Variants in FAT1 observed in about 807,000 individuals in gnomAD.
FAT1 encodes the protein FAT atypical cadherin 1.
Under a neutral mutation model 329.8 loss-of-function variants are expected in FAT1, and 171 were observed. That is an observed-to-expected ratio of 0.52 (90% CI 0.46 to 0.59). The LOEUF (loss-of-function observed/expected upper bound fraction) is 0.59, where lower values mean the gene tolerates loss of function less well. Among genes scored for constraint, FAT1 ranks in the 20% least tolerant of loss-of-function variants. The pLI, the probability that FAT1 is intolerant of heterozygous loss-of-function variation, is 0.00. For missense variants in FAT1, 5,672 were observed against 5,774.4 expected (o/e 0.98, Z 0.57); for synonymous variants, 2,233 against 2,228.6 (o/e 1.00, Z -0.06).
At position 186,640,483 on chromosome 4, in the gene FAT1, TTC is replaced by T. The variant is rs1741040191; in HGVS notation, c.3581-702_3581-701del. 2.0e-5 allele frequency among the ~76,000 whole-genome samples: 3 copies of T among 152,330 alleles called. No individual in the cohort carries two copies. The South Asian group carries it at 6.2e-4, about 32-fold the overall frequency. On this transcript the variant is annotated intron_variant, in intron 3 of 26. Coordinates refer to ENST00000441802, the MANE Select transcript of FAT1 (RefSeq NM_005245.4). The stretch of plus-strand genomic sequence containing the variant: ...ATAACTGAGAGTTGACAGAAATGAC[TTC>T]TATAACTATATTAATAAGGACTATT...
chr4:186,620,669 T>C lies in FAT1; in HGVS notation c.5917A>G (p.Lys1973Glu). Reference sequence around the variant, plus strand: ...TGGGTAAACTTTAGGTGACTTTCTTTGCTTTCTTTCACATTAATTTTGACA... The same window carrying C: ...TGGGTAAACTTTAGGTGACTTTCTTCGCTTTCTTTCACATTAATTTTGACA... ...TSVKINVKESKESHLKFTQDV... is the reference protein window; with the variant it reads ...TSVKINVKESEESHLKFTQDV... The change falls in exon 10 of 27, where the codon AAA (lysine) becomes GAA (glutamate). Residue 1973 changes from lysine (K) to glutamate (E), a missense_variant. By Grantham distance (56) the Lys-to-Glu change is moderately conservative (BLOSUM62 1). This residue lies in a region of FAT1 where 3,966 missense variants were observed against 3,915.2 expected (regional missense o/e 1.01). Coordinates refer to ENST00000441802, the MANE Select transcript of FAT1 (RefSeq NM_005245.4). The C allele has an allele frequency of 6.2e-7, 1 of 1,614,042 alleles. No individual in the cohort carries two copies.
At chr4:186,593,755 A>C (rs1410383515) in intron 26 of FAT1, among the ~76,000 whole-genome samples, 1 of 152,176 alleles carries the variant, frequency 6.6e-6, no homozygotes, top group African/African-American at 2.4e-5. Context: ...GCAGAAGGCA[A>C]TGCAGCCCTA....
Position 186,597,767 on chromosome 4 carries a change from C to A in FAT1, c.12283G>T (p.Asp4095Tyr), listed in dbSNP as rs748249672. The A allele has an allele frequency of 6.2e-7, 1 of 1,613,912 alleles. No individual in the cohort carries two copies. Among genetic ancestry groups the A allele is most frequent in the South Asian group, 1.1e-5 (1 of 91,068 alleles). ...GTTCCGCCATTCTTACAGGGTTCAT[C>A]TTTGCAGTATGGACTAAGCTGACAC... ...QRCQLSPYCK[D>Y]EPCKNGGTCF... The change falls in exon 24 of 27, where the codon GAT becomes TAT. Residue 4095 changes from aspartate (D) to tyrosine (Y), a missense_variant. Physicochemically the swap from Asp to Tyr is radical, Grantham distance 160. Around this residue, in one of 2 missense-constraint regions of FAT1, gnomAD observed 1,706 missense variants for 1,859.1 expected, o/e 0.92. Coordinates refer to ENST00000441802, the MANE Select transcript of FAT1 (RefSeq NM_005245.4).
Position 186,708,078 on chromosome 4 carries a change from C to A in FAT1, c.1750G>T (p.Val584Leu), listed in dbSNP as rs182393996. The A allele has an allele frequency of 1.2e-6, 2 of 1,613,958 alleles. No individual in the cohort carries two copies. The highest frequency in any genetic ancestry group is 1.7e-6 in the Non-Finnish European group (2 of 1,179,864). The change falls in exon 2 of 27, where the codon GTG becomes TTG. Residue 584 changes from valine to leucine, a missense_variant. Val to Leu is a conservative substitution (Grantham distance 32). Transcript: ENST00000441802. ...CEGTIPRDLG[V>L]GEQITTVSAI... Reference sequence around the variant, plus strand: ...GAAACAGTGGTTATTTGCTCTCCCACGCCTAGATCTCTGGGAATTGTCCCT... The same window carrying A: ...GAAACAGTGGTTATTTGCTCTCCCAAGCCTAGATCTCTGGGAATTGTCCCT...
intron 1 of FAT1, among the ~76,000 whole-genome samples, chr4:186,717,154 GA>G (rs956685918): frequency 8.1e-4 from 120 of 147,864 alleles, no homozygotes; most frequent in East Asian, 1.6e-3. Context: ...TTTACAACAG[GA>G]AAAAAAAAAC....
chr4:186,595,080 A>G (rs929639038), intron 26 of FAT1, among the ~76,000 whole-genome samples: 6 of 152,190 alleles, frequency 3.9e-5, no homozygotes, highest in African/African-American at 1.4e-4. Context: ...CCAGATCAAC[A>G]TAACTGGTGG....
Position 186,603,585 on chromosome 4 carries a change from A to G in FAT1, c.10941T>C (p.Phe3647=), listed in dbSNP as rs2126430270. Residue 3647 remains phenylalanine (F), a synonymous_variant, in exon 19 of 27, where the codon TTT becomes TTC. Coordinates refer to ENST00000441802, the MANE Select transcript of FAT1 (RefSeq NM_005245.4). The part of the protein sequence containing the change: ...EMLNHTIAIR[F]ANLTPEEFVG... ...CGAATTCTTCCGGAGTGAGGTTGGC[A>G]AAGCGGATCGCGATGGTGTGGTTCA... is the stretch of plus-strand genomic sequence containing the variant. 6.2e-7 allele frequency: 1 copy of G among 1,614,006 alleles called. No homozygotes were observed. The highest frequency in any genetic ancestry group is 8.5e-7 in the Non-Finnish European group (1 of 1,179,894).
At chr4:186,607,146 C>G (rs1482736501) in intron 16 of FAT1, among the ~76,000 whole-genome samples, 1 of 152,222 alleles carries the variant, frequency 6.6e-6, no homozygotes, top group Non-Finnish European at 1.5e-5. Context: ...GGTATCTCAT[C>G]ACTATCTCCC....
intron 26 of FAT1, among the ~76,000 whole-genome samples, chr4:186,593,881 GC>G (rs1738362441): frequency 6.6e-6 from 1 of 152,110 alleles, no homozygotes; most frequent in Non-Finnish European, 1.5e-5. Flanking sequence ...ATCTGTAATG[GC>G]CCTGGAAAAC....
intron 3 of FAT1, among the ~76,000 whole-genome samples, chr4:186,658,331 A>G (rs1371290250): frequency 6.6e-6 from 1 of 152,180 alleles, no homozygotes; most frequent in Admixed American, 6.5e-5. Flanking sequence ...GAGAAAAAAC[A>G]TTCAAAAAAG....
chr4:186,649,961 T>C (rs10005888), intron 3 of FAT1, among the ~76,000 whole-genome samples: 57,916 of 152,062 alleles, frequency 0.38, 11,443 homozygotes, highest in Middle Eastern at 0.44. Context: ...GTAACACTGG[T>C]GAACAATTCC....
chr4:186,609,080 G>C (rs187743354), intron 16 of FAT1, 103 bp downstream of exon 16: 1 of 1,319,752 alleles, frequency 7.6e-7, no homozygotes, highest in South Asian at 1.4e-5. Flanking sequence ...TTCTTGAGGC[G>C]GTCAGTCCTG....
rs764175209 is a variant in FAT1 at position 186,617,182 on chromosome 4, C to G, written c.8898G>C (p.Gln2966His). The G allele has an allele frequency of 4.4e-6, 7 of 1,608,626 alleles. No individual in the cohort carries two copies. Residue 2966 changes from glutamine (Q) to histidine (H), a missense_variant, in exon 11 of 27, where the codon CAG (glutamine) becomes CAC (histidine). Physicochemically the swap from Gln to His is conservative, Grantham distance 24. Coordinates refer to ENST00000441802, the MANE Select transcript of FAT1 (RefSeq NM_005245.4). ...YFITGGDPLG[Q>H]FAVETIQNEW... ...CATTCTGTATAGTTTCAACGGCAAA[C>G]TGTCCTAAAGGATCCCCTCCTATTA...
Position 186,707,609 on chromosome 4 carries a change from T to G in FAT1, c.2219A>C (p.Asn740Thr), listed in dbSNP as rs2126689999. Residue 740 changes from asparagine to threonine, a missense_variant, in exon 2 of 27, where the codon AAC becomes ACC. Physicochemically the swap from Asn to Thr is moderately conservative, Grantham distance 65. Around this residue, in one of 2 missense-constraint regions of FAT1, gnomAD observed 3,966 missense variants for 3,915.2 expected, o/e 1.01. Coordinates refer to ENST00000441802, the MANE Select transcript of FAT1 (RefSeq NM_005245.4). ...QPVGSSVIFMNSTDLDTGFNG... is the reference protein window; with the variant it reads ...QPVGSSVIFMTSTDLDTGFNG... ...GAAGCCAGTGTCAAGGTCAGTGGAG[T>G]TCATGAAAATTACACTGGAACCCAC... is the stretch of plus-strand genomic sequence containing the variant. 6.2e-7 allele frequency: 1 copy of G among 1,613,900 alleles called. No homozygotes were observed. The highest frequency in any genetic ancestry group is 8.5e-7 in the Non-Finnish European group (1 of 1,179,876).
At chr4:186,702,270 C>A (rs1199552005) in intron 2 of FAT1, among the ~76,000 whole-genome samples, 2 of 152,192 alleles carry the variant, frequency 1.3e-5, no homozygotes, top group African/African-American at 2.4e-5. Flanking sequence ...TAATTCATTC[C>A]CAGTCTTTTC....
chr4:186,684,258 G>A (rs557166045), intron 2 of FAT1, among the ~76,000 whole-genome samples: 36 of 152,172 alleles, frequency 2.4e-4, no homozygotes, highest in African/African-American at 7.7e-4. Flanking sequence ...TTGTTTAATC[G>A]TCTCATCTAG....
intron 2 of FAT1, among the ~76,000 whole-genome samples, chr4:186,700,231 T>C (rs1744239503): frequency 6.6e-6 from 1 of 152,186 alleles, no homozygotes; most frequent in Non-Finnish European, 1.5e-5. Flanking sequence ...TAAACATGGT[T>C]TCCACAAGAA....
intron 2 of FAT1, among the ~76,000 whole-genome samples, chr4:186,670,018 G>A (rs1742659187): frequency 6.6e-6 from 1 of 152,142 alleles, no homozygotes; most frequent in Non-Finnish European, 1.5e-5. Flanking sequence ...AATCTTTAAG[G>A]CAAAAATAAA....
intron 7 of FAT1, among the ~76,000 whole-genome samples, chr4:186,630,451 G>A (rs1199327179): frequency 2.0e-5 from 3 of 152,098 alleles, no homozygotes; most frequent in Non-Finnish European, 2.9e-5. Flanking sequence ...GCAGAGCCTC[G>A]ACTCCAGAAC....
Sources: allele counts gnomAD v4.1 joint callset (sites outside exome capture counted in the v4.1 genomes callset), GRCh38; gene constraint gnomAD v4.1.1; regional missense constraint gnomAD v4.1.1; transcripts MANE v1.5; gene names NCBI Gene and HGNC (gene_info 2026-07-23, HGNC 2026-07-21).